The following PCDH11X variants were observed in gnomAD, a reference collection of about 807,000 sequenced individuals.
PCDH11X encodes the protein protocadherin-11 X-linked.
In PCDH11X, 18 loss-of-function variants were observed where a neutral mutation model predicts 53.3. That is an observed-to-expected ratio of 0.34 (90% CI 0.23 to 0.50). The LOEUF is 0.50. PCDH11X is among the 20% of genes least tolerant of loss of function. The probability of loss-of-function intolerance (pLI) is 0.98; values close to 1 mark genes in which losing one functional copy is unlikely to be tolerated. For missense variants in PCDH11X, 570 were observed against 1,032.4 expected (o/e 0.55, Z 6.14); for synonymous variants, 279 against 393.3 (o/e 0.71, Z 3.44).
intron 7 of PCDH11X, among the ~76,000 whole-genome samples, chrX:92,254,715 G>A (rs1232550039): frequency 1.2e-4 from 13 of 107,927 alleles, no homozygotes; most frequent in African/African-American, 4.4e-4. Flanking sequence ...AGTTTGCCTG[G>A]ATATGAAATT....
intron 7 of PCDH11X, among the ~76,000 whole-genome samples, chrX:92,247,805 C>T (rs1197544544): frequency 9.0e-6 from 1 of 111,714 alleles, no homozygotes; most frequent in Non-Finnish European, 1.9e-5. Context: ...TCTGCAAAGA[C>T]CTTATTTCCA....
chrX:92,237,266 A>C (rs1233755941), intron 7 of PCDH11X, among the ~76,000 whole-genome samples: 1 of 111,352 alleles, frequency 9.0e-6, no homozygotes, highest in Non-Finnish European at 1.9e-5. Flanking sequence ...CATAAAGATC[A>C]ATAATTTTAT....
At chrX:92,089,221 A>G (rs2064007000) in intron 6 of PCDH11X, among the ~76,000 whole-genome samples, 1 of 111,060 alleles carries the variant, frequency 9.0e-6, no homozygotes, top group African/African-American at 3.3e-5. Context: ...ATGTTTTAAC[A>G]TAAAGAGAAT....
At chrX:92,215,098 C>T (rs1311743551) in intron 7 of PCDH11X, among the ~76,000 whole-genome samples, 15 of 111,315 alleles carry the variant, frequency 1.3e-4, no homozygotes, top group Middle Eastern at 4.6e-3. Context: ...GGAACAGCTC[C>T]GGTCTACAGC....
rs9698822 is a variant in PCDH11X, at chrX:91,939,255, G to T, written c.3033+59982G>T. Among the ~76,000 whole-genome samples the T allele has an allele frequency of 2.8e-3, 307 of 110,853 alleles. 1 individual carries two copies. Among genetic ancestry groups the T allele is most frequent in the African/African-American group, 9.5e-3 (290 of 30,598 alleles). ...TTAGAGTAGACATGCAAGAAGAAAA[G>T]ATTAGTGAATATGAAGACATAGCAA... On this transcript the variant is annotated intron_variant, in intron 6 of 10. Coordinates refer to ENST00000682573, the MANE Select transcript of PCDH11X (RefSeq NM_032968.5).
chrX:92,454,077 A>G (rs2072859989), intron 9 of PCDH11X, among the ~76,000 whole-genome samples: 1 of 101,607 alleles, frequency 9.8e-6, no homozygotes, highest in Non-Finnish European at 2.0e-5. Context: ...TACTAATTAC[A>G]GAATGAAAAG....
intron 9 of PCDH11X, among the ~76,000 whole-genome samples, chrX:92,391,383 T>C (rs1015350113): frequency 1.8e-5 from 2 of 108,414 alleles, no homozygotes; most frequent in Non-Finnish European, 3.9e-5. Flanking sequence ...AAGTTGTGAG[T>C]CTACTTTTGA....
At chrX:92,187,668 T>C (rs1168670968) in intron 6 of PCDH11X, among the ~76,000 whole-genome samples, 3 of 111,715 alleles carry the variant, frequency 2.7e-5, no homozygotes, top group Non-Finnish European at 5.6e-5. Context: ...AAATAACAGA[T>C]GGTTGAGGTT....
chrX:92,375,157 TATATATA>T (rs2070713081), intron 8 of PCDH11X, among the ~76,000 whole-genome samples: 1 of 13,061 alleles, frequency 7.7e-5, no homozygotes, highest in Non-Finnish European at 2.0e-4. Flanking sequence ...TATATATATA[TATATATA>T]TATTTTTTTT....
chrX:92,312,677 G>A (rs950016942), intron 8 of PCDH11X, among the ~76,000 whole-genome samples: 2 of 111,394 alleles, frequency 1.8e-5, no homozygotes, highest in Non-Finnish European at 3.8e-5. Context: ...ATTTGAATGC[G>A]TTTTTATTTT....
chrX:91,996,077 G>A (rs1198453609), intron 6 of PCDH11X, among the ~76,000 whole-genome samples: 1 of 103,997 alleles, frequency 9.6e-6, no homozygotes, highest in South Asian at 4.5e-4. Context: ...TCCTGACCTT[G>A]TGATCCGCCC....
At chrX:92,372,081 A>G (rs1307719440) in intron 8 of PCDH11X, among the ~76,000 whole-genome samples, 2 of 111,063 alleles carry the variant, frequency 1.8e-5, no homozygotes, top group Non-Finnish European at 3.8e-5. Flanking sequence ...GCTAATTGAA[A>G]AAGAAATTAA....
chrX:91,920,735 G>GA (rs1941712166), intron 6 of PCDH11X, among the ~76,000 whole-genome samples: 3 of 109,926 alleles, frequency 2.7e-5, no homozygotes, highest in Non-Finnish European at 3.8e-5. Flanking sequence ...TATTTGTTTA[G>GA]AAAAAAATCC....
chrX:92,495,142 T>G (rs1178361662), intron 10 of PCDH11X, among the ~76,000 whole-genome samples: 1 of 110,427 alleles, frequency 9.1e-6, no homozygotes, highest in Non-Finnish European at 1.9e-5. Context: ...ATACAATCCT[T>G]TCTTTATTTA....
At chrX:92,299,008 T>G (rs34141004) in intron 8 of PCDH11X, among the ~76,000 whole-genome samples, 1 of 111,616 alleles carries the variant, frequency 9.0e-6, no homozygotes, top group Admixed American at 9.5e-5. Flanking sequence ...TCAGTAAATT[T>G]ACTTAACTTA....
intron 8 of PCDH11X, among the ~76,000 whole-genome samples, chrX:92,271,555 A>G (rs1219612941): frequency 8.9e-6 from 1 of 112,013 alleles, no homozygotes; most frequent in Non-Finnish European, 1.9e-5. Context: ...GGCATGCCCT[A>G]TGTAAATGGA....
Position 92,111,177 on chromosome X carries a change from T to A in PCDH11X, c.3034-90198T>A, listed in dbSNP as rs772274131. On this transcript the variant is annotated intron_variant, in intron 6 of 10. Coordinates refer to ENST00000682573, the MANE Select transcript of PCDH11X (RefSeq NM_032968.5). Reference sequence around the variant, plus strand: ...GGAGAATATGAAAGTAAGCTCTGTATTAGCCTTAAACTTTCTGAGCTGGAT... The same window carrying A: ...GGAGAATATGAAAGTAAGCTCTGTAATAGCCTTAAACTTTCTGAGCTGGAT... 1.9e-4 allele frequency among the ~76,000 whole-genome samples: 17 copies of A among 87,892 alleles called. No homozygotes were observed. In the East Asian group the frequency reaches 7.1e-3, roughly 37 times the overall value. The allele number at this position is 87,892 out of a possible 115,157, so 76.3% of individuals were successfully genotyped here.
intron 6 of PCDH11X, among the ~76,000 whole-genome samples, chrX:91,903,576 C>A (rs1185885448): frequency 1.8e-5 from 2 of 109,126 alleles, no homozygotes; most frequent in African/African-American, 6.7e-5. Context: ...ATAGTGGAGA[C>A]TTGCTCTTTG....
At chrX:92,458,454 C>T (rs1178692421) in intron 9 of PCDH11X, among the ~76,000 whole-genome samples, 1 of 109,225 alleles carries the variant, frequency 9.2e-6, no homozygotes, top group Non-Finnish European at 1.9e-5. Context: ...ATTGTGCCAC[C>T]AAATACTAGA....
Sources: allele counts gnomAD v4.1 joint callset (sites outside exome capture counted in the v4.1 genomes callset), GRCh38; gene constraint gnomAD v4.1.1; transcripts MANE v1.5; gene names NCBI Gene and HGNC (gene_info 2026-07-23, HGNC 2026-07-21).